NEGR1: variants seen among roughly 807,000 people sequenced by gnomAD.
The protein encoded by NEGR1 is IgLON family member 4.
In NEGR1, 10 loss-of-function variants were observed where a neutral mutation model predicts 40.9. The observed-to-expected ratio is 0.24, with a 90% CI of 0.15 to 0.42. The LOEUF is 0.42. Ranked by LOEUF, NEGR1 falls within the 10% of genes least tolerant of loss-of-function variation. NEGR1 has a pLI of 1.00. For synonymous variants in NEGR1, 185 were observed against 166.8 expected (o/e 1.11, Z -0.84); for missense variants, 352 against 438.9 (o/e 0.80, Z 1.77).
At chr1:72,004,268 C>T (rs1394522897) in intron 1 of NEGR1, among the ~76,000 whole-genome samples, 1 of 151,810 alleles carries the variant, frequency 6.6e-6, no homozygotes, top group Non-Finnish European at 1.5e-5. Flanking sequence ...TAGAGAGAAA[C>T]AGTAACGTGT....
At chr1:71,847,795 A>G (rs1420247584) in intron 2 of NEGR1, among the ~76,000 whole-genome samples, 3 of 152,202 alleles carry the variant, frequency 2.0e-5, no homozygotes, top group Non-Finnish European at 2.9e-5. Flanking sequence ...AGATTGATTA[A>G]ATCAGATTAA....
chr1:72,068,537 G>C (rs573925405), intron 1 of NEGR1, among the ~76,000 whole-genome samples: 16 of 152,238 alleles, frequency 1.1e-4, no homozygotes, highest in African/African-American at 3.6e-4. Flanking sequence ...GATGCAGTTT[G>C]TTTAGGTAAC....
chr1:71,650,639 C>T (rs1394182540), intron 4 of NEGR1, among the ~76,000 whole-genome samples: 1 of 151,840 alleles, frequency 6.6e-6, no homozygotes, highest in African/African-American at 2.4e-5. Context: ...CTTTTTTGGT[C>T]TTGACTATTT....
intron 6 of NEGR1, among the ~76,000 whole-genome samples, chr1:71,481,025 A>G (rs1311967865): frequency 6.6e-6 from 1 of 151,946 alleles, no homozygotes; most frequent in Non-Finnish European, 1.5e-5. Context: ...AATGCTTATT[A>G]AAAGATAAGC....
chr1:71,500,317 T>C (rs1646990916), intron 6 of NEGR1, among the ~76,000 whole-genome samples: 1 of 152,062 alleles, frequency 6.6e-6, no homozygotes, highest in South Asian at 2.1e-4. Flanking sequence ...ACCTATAGAA[T>C]CATCTAAATG....
intron 1 of NEGR1, among the ~76,000 whole-genome samples, chr1:71,944,795 A>G (rs1646002164): frequency 6.6e-6 from 1 of 152,156 alleles, no homozygotes; most frequent in East Asian, 1.9e-4. Context: ...TATTCTGAAC[A>G]CAAATTTTGT....
chr1:71,852,745 A>T (rs1055022403), intron 2 of NEGR1, among the ~76,000 whole-genome samples: 1 of 151,940 alleles, frequency 6.6e-6, no homozygotes, highest in Non-Finnish European at 1.5e-5. Context: ...TTTTAGTAAT[A>T]CAGATGAGAG....
At chr1:71,999,286 C>T (rs1016583410) in intron 1 of NEGR1, among the ~76,000 whole-genome samples, 6 of 151,798 alleles carry the variant, frequency 4.0e-5, no homozygotes, top group South Asian at 2.1e-4. Flanking sequence ...GATTTCATAA[C>T]CTGCCTTGTT....
At chr1:72,184,858 C>G (rs1295632040) in intron 1 of NEGR1, among the ~76,000 whole-genome samples, 1 of 151,920 alleles carries the variant, frequency 6.6e-6, no homozygotes, top group African/African-American at 2.4e-5. Context: ...AAAAACAATG[C>G]TTACCTTATA....
intron 4 of NEGR1, among the ~76,000 whole-genome samples, chr1:71,636,854 A>C (rs546840298): frequency 1.3e-5 from 2 of 152,178 alleles, no homozygotes; most frequent in South Asian, 4.1e-4. Context: ...TCCTTAGAGG[A>C]ATCTTTTGCC....
intron 3 of NEGR1, among the ~76,000 whole-genome samples, chr1:71,708,020 C>T (rs965023763): frequency 1.3e-5 from 2 of 151,808 alleles, no homozygotes; most frequent in African/African-American, 4.8e-5. Flanking sequence ...GAAAGCCTTT[C>T]AAAAAAGGAT....
Position 71,406,387 on chromosome 1 carries a change from C to A in NEGR1, c.*1059G>T, listed in dbSNP as rs966565388. 6.6e-6 allele frequency: 1 copy of A among 151,892 alleles called. No individual in the cohort carries two copies. The highest frequency in any genetic ancestry group is 1.9e-4 in the East Asian group (1 of 5,168). The allele number at this position is 151,892 out of a possible 1,614,324, so 9.4% of individuals were successfully genotyped here. ...GCCACAAAATAAAATTAATGATGAG[C>A]GCTTACCAACTCTTGTAATATTAGG... On this transcript the variant is annotated 3_prime_UTR_variant, in exon 7 of 7. Coordinates refer to ENST00000357731, the MANE Select transcript of NEGR1 (RefSeq NM_173808.3).
At chr1:71,485,320 A>G (rs1034797571) in intron 6 of NEGR1, among the ~76,000 whole-genome samples, 3 of 151,558 alleles carry the variant, frequency 2.0e-5, no homozygotes, top group Non-Finnish European at 4.4e-5. Context: ...CAAAAATTGA[A>G]TGAAAGACAT....
chr1:71,426,729 A>G (rs544700777), intron 6 of NEGR1, among the ~76,000 whole-genome samples: 1 of 152,356 alleles, frequency 6.6e-6, no homozygotes, highest in South Asian at 2.1e-4. Context: ...TTAAACACTC[A>G]GAATGAGAAA....
chr1:71,439,474 T>C (rs1265763145), intron 6 of NEGR1, among the ~76,000 whole-genome samples: 1 of 152,182 alleles, frequency 6.6e-6, no homozygotes, highest in Non-Finnish European at 1.5e-5. Flanking sequence ...GCAGTCCTCC[T>C]ACCTTAGCCT....
chr1:72,149,879 C>CAAAAAAAAAAAA (rs1180110033), intron 1 of NEGR1, among the ~76,000 whole-genome samples: 12 of 39,246 alleles, frequency 3.1e-4, no homozygotes, highest in East Asian at 7.9e-4. Flanking sequence ...AAAACTCTGT[C>CAAAAAAAAAAAA]AAAAAAAAAA....
chr1:72,126,952 T>A (rs1650044634), intron 1 of NEGR1, among the ~76,000 whole-genome samples: 1 of 152,208 alleles, frequency 6.6e-6, no homozygotes, highest in Non-Finnish European at 1.5e-5. Flanking sequence ...ATTATACTGG[T>A]CTGCACACAA....
chr1:71,485,686 AGTAG>A (rs1258973681), intron 6 of NEGR1, among the ~76,000 whole-genome samples: 8 of 151,832 alleles, frequency 5.3e-5, no homozygotes, highest in Middle Eastern at 3.4e-3. Context: ...GGAATTACAT[AGTAG>A]GTAGCCTTTT....
chr1:71,531,079 T>A (rs946041272), intron 6 of NEGR1, among the ~76,000 whole-genome samples: 2 of 151,158 alleles, frequency 1.3e-5, no homozygotes, highest in African/African-American at 4.8e-5. Context: ...GAGTATAGAG[T>A]GGTTAAGTAA....
Sources: allele counts gnomAD v4.1 joint callset (sites outside exome capture counted in the v4.1 genomes callset), GRCh38; gene constraint gnomAD v4.1.1; transcripts MANE v1.5; gene names NCBI Gene and HGNC (gene_info 2026-07-23, HGNC 2026-07-21).